The following ATP10B variants were observed in gnomAD, a reference collection of about 807,000 sequenced individuals.
ATP10B encodes the protein ATPase phospholipid transporting 10B (putative).
A neutral mutation model predicts 141.2 loss-of-function variants in ATP10B; 122 were observed. The ratio of observed to expected loss-of-function variants is 0.86; its 90% CI spans 0.75 to 1.00. The LOEUF (loss-of-function observed/expected upper bound fraction) is 1.00. Ranked by LOEUF, ATP10B falls within the 50% of genes least tolerant of loss-of-function variation. ATP10B has a pLI of 0.00. For missense variants in ATP10B, 1,876 were observed against 1,825.3 expected (o/e 1.03, Z -0.51); for synonymous variants, 685 against 692.0 (o/e 0.99, Z 0.16).
chr5:160,795,292 A>G (rs1771858731), intron 1 of ATP10B, among the ~76,000 whole-genome samples: 1 of 152,296 alleles, frequency 6.6e-6, no homozygotes. Context: ...TATCTTCCCA[A>G]CATTATAGGA....
chr5:160,767,637 C>A (rs907465669), intron 2 of ATP10B, among the ~76,000 whole-genome samples: 4 of 102,036 alleles, frequency 3.9e-5, no homozygotes, highest in African/African-American at 1.4e-4. Context: ...TGTGCAGAAC[C>A]CCCCCCCCCA....
intron 2 of ATP10B, among the ~76,000 whole-genome samples, chr5:160,780,660 T>C (rs1561845817): frequency 6.6e-6 from 1 of 152,166 alleles, no homozygotes; most frequent in Non-Finnish European, 1.5e-5. Context: ...AAACTTTTCC[T>C]ACTCACCCAC....
chr5:160,842,144 G>A (rs1450660666), intron 1 of ATP10B, among the ~76,000 whole-genome samples: 2 of 152,114 alleles, frequency 1.3e-5, no homozygotes, highest in Non-Finnish European at 2.9e-5. Context: ...GACCATAATA[G>A]ATATAAGCTA....
intron 1 of ATP10B, among the ~76,000 whole-genome samples, chr5:160,842,283 A>G (rs958294807): frequency 2.6e-5 from 4 of 152,212 alleles, no homozygotes; most frequent in Non-Finnish European, 5.9e-5. Flanking sequence ...CTTAAATTAC[A>G]TGAAAATGAA....
intron 1 of ATP10B, among the ~76,000 whole-genome samples, chr5:160,786,932 T>C (rs1189783519): frequency 6.6e-6 from 1 of 152,034 alleles, no homozygotes; most frequent in Non-Finnish European, 1.5e-5. Context: ...GTCCCCCTGA[T>C]TTTGGTCATC....
intron 1 of ATP10B, among the ~76,000 whole-genome samples, chr5:160,815,561 A>G (rs901931790): frequency 7.5e-6 from 1 of 132,768 alleles, no homozygotes; most frequent in South Asian, 2.3e-4. Context: ...CCACACAATA[A>G]TAATACGAGA....
intron 1 of ATP10B, among the ~76,000 whole-genome samples, chr5:160,835,399 G>T (rs1274602657): frequency 6.6e-6 from 1 of 152,098 alleles, no homozygotes; most frequent in African/African-American, 2.4e-5. Flanking sequence ...AGTAGAAAAT[G>T]ACAAGTAGAA....
At position 160,826,526 on chromosome 5, in the gene ATP10B, A is replaced by G. The variant is rs115103158; in HGVS notation, c.-576+25415T>C. ...TAACTGTACAAATTGATTGTAAAAT[A>G]TGTGTTTGAATATGAAATCAGTGCA... On this transcript the variant is annotated intron_variant, in intron 1 of 25. Coordinates refer to ENST00000327245, the MANE Select transcript of ATP10B (RefSeq NM_025153.3). Among the ~76,000 whole-genome samples, 914 of 152,298 alleles carry G rather than the reference A, an allele frequency of 6.0e-3. 13 individuals carry two copies. The highest frequency in any genetic ancestry group is 0.021 in the African/African-American group (870 of 41,560).
At chr5:160,870,011 G>C in the ATP10B span, among the ~76,000 whole-genome samples, 2 of 152,162 alleles carry the variant, frequency 1.3e-5, no homozygotes, top group South Asian at 4.1e-4. Flanking sequence ...CCTGCCCTCA[G>C]AGGAGGTTAG....
chr5:160,912,888 C>T, the ATP10B span, among the ~76,000 whole-genome samples: 1 of 152,152 alleles, frequency 6.6e-6, no homozygotes, highest in Admixed American at 6.6e-5. Context: ...TGTTCCCCTG[C>T]TTCTTTGAGA....
At chr5:160,573,335 C>T (rs1434096910) in intron 24 of ATP10B, among the ~76,000 whole-genome samples, 1 of 152,228 alleles carries the variant, frequency 6.6e-6, no homozygotes, top group Non-Finnish European at 1.5e-5. Context: ...GCCTCCAGAA[C>T]CATGAGAAAT....
intron 6 of ATP10B, among the ~76,000 whole-genome samples, chr5:160,676,987 G>A (rs1204167906): frequency 6.6e-6 from 1 of 152,130 alleles, no homozygotes; most frequent in Non-Finnish European, 1.5e-5. Flanking sequence ...CTCTGTTTTG[G>A]AGTGAGGCAT....
In ATP10B at chr5:160,716,790, C is replaced by T. The variant is rs562564016; in HGVS notation, c.-205+119G>A. On this transcript the variant is annotated intron_variant, in intron 3 of 25. Transcript: ENST00000327245. ...GTTTTTTCTGTTCCATCATCCTTAG[C>T]TCTGGTTTCCATCATCAAGGTGGTG... The T allele has an allele frequency of 1.5e-4, 101 of 686,506 alleles. No homozygotes were observed. The African/African-American group carries it at 1.7e-3, about 12-fold the overall frequency. 42.5% of individuals were successfully genotyped at this position (686,506 alleles called of 1,614,324 possible). A position where few individuals can be genotyped will look rare whatever the true frequency, so the allele number is the denominator to read the frequency against.
intron 21 of ATP10B, among the ~76,000 whole-genome samples, chr5:160,601,856 A>G (rs561866389): frequency 6.4e-4 from 98 of 152,336 alleles, no homozygotes; most frequent in African/African-American, 2.3e-3. Context: ...CCTGCCCTCC[A>G]GCAAATCCCT....
intron 2 of ATP10B, among the ~76,000 whole-genome samples, chr5:160,761,348 A>G (rs1027867781): frequency 2.0e-5 from 3 of 152,150 alleles, no homozygotes; most frequent in African/African-American, 7.2e-5. Context: ...TGGCTGGAAG[A>G]CCTGAAGATG....
intron 3 of ATP10B, among the ~76,000 whole-genome samples, chr5:160,689,970 C>T (rs1229031591): frequency 1.3e-5 from 2 of 151,814 alleles, no homozygotes; most frequent in Non-Finnish European, 2.9e-5. Flanking sequence ...TACAAGGCTA[C>T]AGTAACCAAA....
chr5:160,632,469 G>A, intron 12 of ATP10B, 102 bp from the exon 13 acceptor site: 3 of 1,079,656 alleles, frequency 2.8e-6, no homozygotes, highest in Non-Finnish European at 2.7e-6. Context: ...CATGGGAAGG[G>A]CCTATGCTAC....
At chr5:160,621,607 T>A (rs1758354207) in intron 14 of ATP10B, among the ~76,000 whole-genome samples, 1 of 152,204 alleles carries the variant, frequency 6.6e-6, no homozygotes. Flanking sequence ...CTGAAGTGAT[T>A]TTCAGGGTGG....
At chr5:160,916,844 A>C in the ATP10B span, among the ~76,000 whole-genome samples, 87,557 of 152,022 alleles carry the variant, frequency 0.58, 25,550 homozygotes, top group South Asian at 0.65. Context: ...AGTTCAGTGG[A>C]TTCTAAGCCT....
Sources: gnomAD v4.1 joint callset for allele counts (sites outside exome capture counted in the v4.1 genomes callset) on GRCh38, gnomAD v4.1.1 for gene constraint, MANE v1.5 for transcripts, NCBI Gene and HGNC (gene_info 2026-07-23, HGNC 2026-07-21) for gene names.